The following DNAH12 variants were observed in gnomAD, a reference collection of about 807,000 sequenced individuals.
DNAH12 encodes the protein axonemal beta dynein heavy chain 12.
Under a neutral mutation model 371.5 loss-of-function variants are expected in DNAH12, and 285 were observed. The ratio of observed to expected loss-of-function variants is 0.77; its 90% CI spans 0.70 to 0.85. DNAH12 has a LOEUF of 0.85. Among genes scored for constraint, DNAH12 ranks in the 40% least tolerant of loss-of-function variants. The pLI, the probability that DNAH12 is intolerant of heterozygous loss-of-function variation, is 0.00. For missense variants in DNAH12, 3,611 were observed against 3,689.4 expected (o/e 0.98, Z 0.55); for synonymous variants, 1,200 against 1,213.0 (o/e 0.99, Z 0.22).
chr3:57,528,807 T>A (rs144414282), intron 2 of DNAH12, among the ~76,000 whole-genome samples: 140 of 150,730 alleles, frequency 9.3e-4, no homozygotes, highest in African/African-American at 3.2e-3. Context: ...TTTCAATTTC[T>A]TTTTTTTTGA....
intron 69 of DNAH12, 39 bp from the exon 70 acceptor site, chr3:57,301,978 A>G: frequency 6.5e-7 from 1 of 1,535,178 alleles, no homozygotes; most frequent in Non-Finnish European, 8.8e-7. Flanking sequence ...ATATATGATG[A>G]TATCAACATA....
intron 59 of DNAH12, among the ~76,000 whole-genome samples, chr3:57,356,557 A>T (rs1045167044): frequency 6.6e-5 from 10 of 151,902 alleles, no homozygotes; most frequent in Non-Finnish European, 1.3e-4. Flanking sequence ...AAGATGCGCT[A>T]GAGTTGCTAG....
chr3:57,371,779 A>G (rs1238684332), intron 55 of DNAH12, among the ~76,000 whole-genome samples: 1 of 74,816 alleles, frequency 1.3e-5, no homozygotes, highest in Non-Finnish European at 4.4e-5. Flanking sequence ...GGAAAAAAAG[A>G]TACATTACAT....
At position 57,301,920 on chromosome 3, in the gene DNAH12, T is replaced by TA. The variant is rs1360521789; in HGVS notation, c.11208dup (p.Asn3737Ter). 1 of 1,551,470 alleles carries TA rather than the reference T, an allele frequency of 6.4e-7. No individual in the cohort carries two copies. The highest frequency in any genetic ancestry group is 8.7e-7 in the Non-Finnish European group (1 of 1,146,956). On this transcript the variant is annotated frameshift_variant, in exon 70 of 74. Transcript: ENST00000495027. LOFTEE classifies it high-confidence loss of function. Reference sequence around the variant, plus strand: ...GCTTTTTCAAGGTCCCGTAGAGTGTTACGTATAGTTATAATTAAACTGCAA... The same window carrying TA: ...GCTTTTTCAAGGTCCCGTAGAGTGTTAACGTATAGTTATAATTAAACTGCAA...
At chr3:57,432,168 C>CTTTTT (rs61049709) in intron 32 of DNAH12, among the ~76,000 whole-genome samples, 2 of 131,242 alleles carry the variant, frequency 1.5e-5, no homozygotes, top group South Asian at 2.4e-4. Context: ...TTCAGTATAT[C>CTTTTT]TTTTTTTTTT....
In DNAH12 at chr3:57,431,556, C is replaced by A. The variant is rs1021978789; in HGVS notation, c.4981-1782G>T. On this transcript the variant is annotated intron_variant, in intron 32 of 73. Transcript: ENST00000495027. The stretch of plus-strand genomic sequence containing the variant: ...GCTCCTCATTTTCCCAATATTTTCA[C>A]ATCCCTGATGTTTTCACTTCTTTCA... Among the ~76,000 whole-genome samples the A allele has an allele frequency of 2.6e-5, 4 of 152,228 alleles. No homozygotes were observed. The East Asian group carries it at 7.7e-4, about 29-fold the overall frequency.
chr3:57,380,146 A>G (rs908187785), intron 51 of DNAH12, 132 bp downstream of exon 51: 1 of 152,064 alleles, frequency 6.6e-6, no homozygotes, highest in Non-Finnish European at 1.5e-5. Flanking sequence ...AATAAAGGTA[A>G]TATCTCTTTA....
intron 43 of DNAH12, among the ~76,000 whole-genome samples, chr3:57,396,997 C>G (rs977992139): frequency 6.6e-6 from 1 of 152,052 alleles, no homozygotes; most frequent in East Asian, 1.9e-4. Flanking sequence ...TGCACTCCAG[C>G]CTGGGTGACA....
chr3:57,507,256 T>C (rs1244180591), intron 8 of DNAH12, among the ~76,000 whole-genome samples: 1 of 152,100 alleles, frequency 6.6e-6, no homozygotes, highest in African/African-American at 2.4e-5. Flanking sequence ...AGATACCTCT[T>C]ATACAATGAT....
intron 39 of DNAH12, 26 bp downstream of exon 39, chr3:57,413,720 C>G (rs1330660643): frequency 6.5e-7 from 1 of 1,541,604 alleles, no homozygotes; most frequent in East Asian, 2.5e-5. Context: ...ATAACTTCAG[C>G]ATAACTTATC....
At chr3:57,412,254 C>T (rs1026491720) in intron 39 of DNAH12, among the ~76,000 whole-genome samples, 2 of 152,066 alleles carry the variant, frequency 1.3e-5, no homozygotes, top group African/African-American at 2.4e-5. Flanking sequence ...TGGACATACA[C>T]GTGTAAAAAA....
At chr3:57,314,438 C>CCTAG in intron 66 of DNAH12, 56 bp downstream of exon 66, 2 of 1,546,504 alleles carry the variant, frequency 1.3e-6, no homozygotes, top group Non-Finnish European at 1.7e-6. Context: ...AAAAGACTTG[C>CCTAG]CTAGGGCCTG....
intron 13 of DNAH12, among the ~76,000 whole-genome samples, chr3:57,482,366 A>T (rs1198424795): frequency 6.6e-6 from 1 of 152,200 alleles, no homozygotes. Context: ...TCAAAACCAC[A>T]ATGAGATACC....
intron 65 of DNAH12, among the ~76,000 whole-genome samples, chr3:57,316,915 A>T (rs551509627): frequency 2.0e-5 from 3 of 152,326 alleles, no homozygotes; most frequent in Non-Finnish European, 2.9e-5. Context: ...ACCCAGTCTC[A>T]GATATTTCTT....
At chr3:57,512,704 A>G (rs901480676) in intron 4 of DNAH12, 1 of 152,226 alleles carries the variant, frequency 6.6e-6, no homozygotes, top group African/African-American at 2.4e-5. Flanking sequence ...CAGCAATCCC[A>G]TTACTGGGAA....
Position 57,301,845 on chromosome 3 carries a change from T to C in DNAH12, c.11284A>G (p.Ser3762Gly). The C allele has an allele frequency of 3.2e-6, 5 of 1,551,646 alleles. No individual in the cohort carries two copies. The highest frequency in any genetic ancestry group is 4.4e-6 in the Non-Finnish European group (5 of 1,146,988). ...MDSALEALSG[S>G]LLVGKVPEIW... Reference sequence around the variant, plus strand: ...TCTGGAACCTTTCCAACAAGTAAGCTACCGGAGAGTGCCTCCAATGCAGAA... The same window carrying C: ...TCTGGAACCTTTCCAACAAGTAAGCCACCGGAGAGTGCCTCCAATGCAGAA... Residue 3762 changes from serine to glycine, a missense_variant, in exon 70 of 74, where the codon AGC (serine) becomes GGC (glycine). Physicochemically the swap from Ser to Gly is moderately conservative, Grantham distance 56 (BLOSUM62 0). Around this residue, in one of 3 missense-constraint regions of DNAH12, gnomAD observed 2,266 missense variants for 2,236.9 expected, o/e 1.01. Coordinates refer to ENST00000495027, the MANE Select transcript of DNAH12 (RefSeq NM_001366028.2).
chr3:57,428,276 A>C (rs2064844243), intron 34 of DNAH12: 1 of 871,282 alleles, frequency 1.1e-6, no homozygotes, highest in Non-Finnish European at 1.6e-6. Flanking sequence ...AGCCCTGGGA[A>C]GCTAATACAA....
chr3:57,405,873 C>T lies in DNAH12; in HGVS notation c.6356G>A (p.Arg2119His), dbSNP rs375384218. Residue 2119 changes from arginine (R) to histidine (H), a missense_variant, in exon 41 of 74, where the codon CGC becomes CAC. This residue lies in a region of DNAH12 where 2,266 missense variants were observed against 2,236.9 expected (regional missense o/e 1.01). Transcript: ENST00000495027. Reference protein sequence around the residue: ...HYTFNLRDFSRVIRGCLLIER... With the variant: ...HYTFNLRDFSHVIRGCLLIER... ...AATGAGTAAACAGCCCCGGATGACG[C>T]GTGAAAAATCACGCAAGTTGAAAGT... 47 of 1,551,226 alleles carry T rather than the reference C, an allele frequency of 3.0e-5. No individual in the cohort carries two copies. The highest frequency in any genetic ancestry group is 2.2e-4 in the African/African-American group (16 of 73,100).
intron 57 of DNAH12, among the ~76,000 whole-genome samples, 174 bp from the exon 58 acceptor site, chr3:57,363,960 T>C (rs2062993006): frequency 2.0e-5 from 3 of 152,152 alleles, no homozygotes; most frequent in African/African-American, 7.2e-5. Context: ...AAGAAAAGCA[T>C]TAATTGTATA....
Sources: allele counts gnomAD v4.1 joint callset (sites outside exome capture counted in the v4.1 genomes callset), GRCh38; gene constraint gnomAD v4.1.1; regional missense constraint gnomAD v4.1.1; transcripts MANE v1.5; gene names NCBI Gene and HGNC (gene_info 2026-07-23, HGNC 2026-07-21).